The following TBC1D7 variants were observed in gnomAD, a reference collection of about 807,000 sequenced individuals.
The protein encoded by TBC1D7 is TBC1 domain family member 7, also known as TBC domain family 7.
Under a neutral mutation model 35.3 loss-of-function variants are expected in TBC1D7, and 33 were observed. The observed-to-expected ratio is 0.93, with a 90% CI of 0.71 to 1.25. TBC1D7 has a LOEUF of 1.25. TBC1D7 is among the 50% of genes most tolerant of loss of function. The pLI is 0.00. For missense variants in TBC1D7, 362 were observed against 365.3 expected (o/e 0.99, Z 0.07); for synonymous variants, 135 against 129.5 (o/e 1.04, Z -0.29).
At chr6:13,318,282 A>G (rs1047896292) in intron 4 of TBC1D7, 16 of 152,244 alleles carry the variant, frequency 1.1e-4, no homozygotes, top group African/African-American at 3.4e-4. Context: ...GACTAATACA[A>G]TGAGGATCAT....
At chr6:13,320,786 T>A in intron 4 of TBC1D7, 122 bp downstream of exon 4, 1 of 914,396 alleles carries the variant, frequency 1.1e-6, no homozygotes, top group Non-Finnish European at 1.8e-6. Context: ...ATGTGTCACT[T>A]TTATTCTAAT....
chr6:13,326,198 C>G (rs1446525024), intron 2 of TBC1D7, among the ~76,000 whole-genome samples: 15 of 152,142 alleles, frequency 9.9e-5, no homozygotes, highest in Admixed American at 9.8e-4. Context: ...CATGGTGACT[C>G]CTGCCTGTAA....
At chr6:13,309,525 T>C (rs988813003) in intron 5 of TBC1D7, among the ~76,000 whole-genome samples, 1 of 152,236 alleles carries the variant, frequency 6.6e-6, no homozygotes, top group South Asian at 2.1e-4. Context: ...AATCGCTCAA[T>C]ATACATCTTT....
At chr6:13,307,238 CAA>C (rs144726869) in intron 6 of TBC1D7, 2,802 of 194,110 alleles carry the variant, frequency 0.014, 92 homozygotes, top group African/African-American at 0.062. Flanking sequence ...AGAACTTAGT[CAA>C]ATCTTTGACT....
In TBC1D7 at chr6:13,321,042, C is replaced by T. The variant is rs1562170542; in HGVS notation, c.247G>A (p.Glu83Lys). The change falls in exon 4 of 8, where the codon GAG becomes AAG. Residue 83 changes from glutamate (E) to lysine (K), a missense_variant. Glu to Lys is a moderately conservative substitution (Grantham distance 56, BLOSUM62 1). Transcript: ENST00000379300. ...SHAKVMMYRK[E>K]QYLDVLHALK... is the part of the protein sequence containing the mutation. ...GCATGAAGGACATCCAAGTACTGCT[C>T]CTTACGATACATCATCACCTTGGCA... 2 of 1,613,976 alleles carry T rather than the reference C, an allele frequency of 1.2e-6. No homozygotes were observed. The highest frequency in any genetic ancestry group is 2.7e-5 in the African/African-American group (2 of 74,894).
In TBC1D7 at chr6:13,327,013, C is replaced by A. The variant is rs903813415; in HGVS notation, c.-8-107G>T. 14 of 639,012 alleles carry A rather than the reference C, an allele frequency of 2.2e-5. No homozygotes were observed. In the African/African-American group the frequency reaches 2.4e-4, roughly 11 times the overall value. The allele number at this position is 639,012 out of a possible 1,614,324, so 39.6% of individuals were successfully genotyped here. A position where few individuals can be genotyped will look rare whatever the true frequency, so the allele number is the denominator to read the frequency against. On this transcript the variant is annotated intron_variant, in intron 1 of 7. Coordinates refer to ENST00000379300, the MANE Select transcript of TBC1D7 (RefSeq NM_016495.6). ...GAATAATTTTCAATGATGTTCTCCA[C>A]CTTTTCAATATGATGTACCCTTGCA...
At chr6:13,327,492 TAA>T (rs953116800) in intron 1 of TBC1D7, among the ~76,000 whole-genome samples, 26 of 152,262 alleles carry the variant, frequency 1.7e-4, no homozygotes, top group African/African-American at 6.3e-4. Flanking sequence ...TATATAAAAG[TAA>T]AAAGCCACGA....
At chr6:13,309,020 G>A (rs1783006132) in intron 5 of TBC1D7, among the ~76,000 whole-genome samples, 1 of 152,162 alleles carries the variant, frequency 6.6e-6, no homozygotes, top group Non-Finnish European at 1.5e-5. Context: ...GCAAAGAGGG[G>A]CCCACATCAT....
At chr6:13,307,096 A>G (rs1263199410) in intron 6 of TBC1D7, 1 of 155,552 alleles carries the variant, frequency 6.4e-6, no homozygotes, top group Non-Finnish European at 1.4e-5. Flanking sequence ...ATATTATCTT[A>G]TAATGTTCTC....
At chr6:13,307,562 C>T (rs776501510) in intron 6 of TBC1D7, 38 bp downstream of exon 6, 26 of 1,609,974 alleles carry the variant, frequency 1.6e-5, no homozygotes, top group South Asian at 1.3e-4. Context: ...TCTGCTCTAA[C>T]GCCAAGCCTT....
At chr6:13,322,674 G>A (rs922601534) in intron 3 of TBC1D7, among the ~76,000 whole-genome samples, 1 of 152,136 alleles carries the variant, frequency 6.6e-6, no homozygotes, top group African/African-American at 2.4e-5. Context: ...ACCAGTTAAT[G>A]TTAGAAAAAA....
intron 4 of TBC1D7, 26 bp from the exon 5 acceptor site, chr6:13,316,734 GAGGA>G (rs1449651647): frequency 6.2e-7 from 1 of 1,610,874 alleles, no homozygotes. Flanking sequence ...TAAATCTCAA[GAGGA>G]AGGCAGTGAA....
In TBC1D7 at chr6:13,325,104, C is replaced by G. The variant is rs925833377; in HGVS notation, c.183G>C (p.Lys61Asn). 4.3e-6 allele frequency: 7 copies of G among 1,610,972 alleles called. No individual in the cohort carries two copies. Among genetic ancestry groups the G allele is most frequent in the East Asian group, 2.2e-5 (1 of 44,792 alleles). ...TCCTGGGTCTCATACCTAGAAGCAC[C>G]TTCCATACCAATGCACGGTACATGG... The part of the protein sequence containing the change: ...LPSMYRALVW[K>N]VLLGILPPHH... The change falls in exon 3 of 8, where the codon AAG (lysine) becomes AAC (asparagine). Residue 61 changes from lysine to asparagine, a missense_variant. Coordinates refer to ENST00000379300, the MANE Select transcript of TBC1D7 (RefSeq NM_016495.6).
chr6:13,311,453 T>C (rs1429274584), intron 5 of TBC1D7, among the ~76,000 whole-genome samples: 1 of 152,218 alleles, frequency 6.6e-6, no homozygotes, highest in Non-Finnish European at 1.5e-5. Flanking sequence ...CTGTCCATCA[T>C]ACACACATTT....
intron 5 of TBC1D7, 56 bp from the exon 6 acceptor site, chr6:13,307,801 A>T (rs1782915284): frequency 3.3e-6 from 5 of 1,537,574 alleles, no homozygotes; most frequent in South Asian, 2.3e-5. Flanking sequence ...ACATCATCTG[A>T]TATTATAGTC....
At chr6:13,310,893 C>T (rs1370443358) in intron 5 of TBC1D7, among the ~76,000 whole-genome samples, 1 of 151,984 alleles carries the variant, frequency 6.6e-6, no homozygotes, top group Non-Finnish European at 1.5e-5. Context: ...TGACCTTTTT[C>T]ATACTTAGCA....
At chr6:13,313,562 C>A (rs993806885) in intron 5 of TBC1D7, among the ~76,000 whole-genome samples, 1 of 148,028 alleles carries the variant, frequency 6.8e-6, no homozygotes. Flanking sequence ...TAGAGAGATA[C>A]GCATACACAC....
intron 4 of TBC1D7, chr6:13,319,262 C>G (rs949978489): frequency 2.0e-5 from 3 of 152,144 alleles, no homozygotes; most frequent in African/African-American, 7.2e-5. Context: ...GAGTTCAAAA[C>G]CAGCCTGACC....
At chr6:13,324,516 A>T (rs954968027) in intron 3 of TBC1D7, among the ~76,000 whole-genome samples, 38 of 152,158 alleles carry the variant, frequency 2.5e-4, no homozygotes, top group African/African-American at 9.2e-4. Flanking sequence ...GGGGAAAGAA[A>T]ATCTTGGGCT....
Sources: gnomAD v4.1 joint callset for allele counts (sites outside exome capture counted in the v4.1 genomes callset) on GRCh38, gnomAD v4.1.1 for gene constraint, MANE v1.5 for transcripts, NCBI Gene and HGNC (gene_info 2026-07-23, HGNC 2026-07-21) for gene names.